The following UNC80 variants were observed in gnomAD, a reference collection of about 807,000 sequenced individuals.
UNC80 encodes unc-80 subunit of NALCN channel complex.
A neutral mutation model predicts 384.6 loss-of-function variants in UNC80; 164 were observed. That is an observed-to-expected ratio of 0.43 (90% CI 0.38 to 0.49). The LOEUF is 0.49. Among genes scored for constraint, UNC80 ranks in the 20% least tolerant of loss-of-function variants. UNC80 has a pLI of 0.00. For synonymous variants in UNC80, 1,486 were observed against 1,527.8 expected, an observed-to-expected ratio of 0.97 and a Z score of 0.64; for missense variants, 3,330 against 4,143.0, an observed-to-expected ratio of 0.80 and a Z score of 5.39.
rs34002751 is a variant in UNC80, at chr2:209,903,320, ATGTGTG to A, written c.4582-1418_4582-1413del. Among the ~76,000 whole-genome samples the A allele has an allele frequency of 1.4e-3, 151 of 105,784 alleles. 1 individual carries two copies. The highest frequency in any genetic ancestry group is 5.3e-3 in the African/African-American group (146 of 27,794). 69.4% of individuals were successfully genotyped at this position (105,784 alleles called of 152,430 possible). On this transcript the variant is annotated intron_variant, in intron 28 of 64. Transcript: ENST00000673920. ...ATATACAATATATATATTATATTATATGTGTGTGTGTGTGTGTGTGTGTGTGTGTGT... is the reference window on the plus strand; with the variant it reads ...ATATACAATATATATATTATATTATATGTGTGTGTGTGTGTGTGTGTGTGT...
chr2:209,871,364 C>T (rs2084280086), intron 22 of UNC80, among the ~76,000 whole-genome samples: 1 of 152,056 alleles, frequency 6.6e-6, no homozygotes, highest in South Asian at 2.1e-4. Flanking sequence ...AAAAATTATA[C>T]CTCATTTTAA....
intron 21 of UNC80, among the ~76,000 whole-genome samples, chr2:209,844,472 T>TTCCTTCC (rs2082009020): frequency 6.5e-5 from 5 of 77,128 alleles, no homozygotes; most frequent in Admixed American, 4.6e-4. Context: ...TCTTTCTTTC[T>TTCCTTCC]TTCTTTCCTT....
intron 61 of UNC80, among the ~76,000 whole-genome samples, chr2:209,988,350 G>A (rs972794649): frequency 1.3e-5 from 2 of 152,132 alleles, no homozygotes; most frequent in Non-Finnish European, 2.9e-5. Context: ...CCATGTGCTG[G>A]TCTCACCTAG....
intron 29 of UNC80, among the ~76,000 whole-genome samples, chr2:209,909,469 T>C (rs2088656678): frequency 6.6e-6 from 1 of 152,210 alleles, no homozygotes; most frequent in Admixed American, 6.5e-5. Flanking sequence ...CATCTCCATC[T>C]GCACAGACAT....
chr2:209,949,664 C>T (rs946030634), intron 47 of UNC80, among the ~76,000 whole-genome samples: 1 of 151,896 alleles, frequency 6.6e-6, no homozygotes, highest in African/African-American at 2.4e-5. Flanking sequence ...TTTTAGTAGA[C>T]ATGGGGTTTC....
chr2:209,995,441 G>A lies in UNC80; in HGVS notation c.9821G>A (p.Gly3274Asp). 6.4e-7 allele frequency: 1 copy of A among 1,551,836 alleles called. No individual in the cohort carries two copies. Among genetic ancestry groups the A allele is most frequent in the Non-Finnish European group, 8.7e-7 (1 of 1,147,028 alleles). ...CTCTCTGACCCTGATGACTTCACAG[G>A]CCTCGAGACATCCAGCCTCCTACAG... ...AQLSDPDDFTGLETSSLLQHG... is the reference protein window; with the variant it reads ...AQLSDPDDFTDLETSSLLQHG... Residue 3274 changes from glycine (G) to aspartate (D), a missense_variant, in exon 65 of 65, where the codon GGC becomes GAC. Gly to Asp is a moderately conservative substitution (Grantham distance 94, BLOSUM62 -1). Around this residue, in one of 8 missense-constraint regions of UNC80, gnomAD observed 236 missense variants for 254.9 expected, o/e 0.93. Coordinates refer to ENST00000673920, the MANE Select transcript of UNC80 (RefSeq NM_001371986.1).
In UNC80 at chr2:209,994,157, G is replaced by A. The variant is rs779647138; in HGVS notation, c.9601G>A (p.Gly3201Ser). Reference sequence around the variant, plus strand: ...GCTTCCTGCAACAGGCCAACTACAGGGCTGTAGCCCAGCCCCTTCTAGGAA... The same window carrying A: ...GCTTCCTGCAACAGGCCAACTACAGAGCTGTAGCCCAGCCCCTTCTAGGAA... ...DALPATGQLQ[G>S]CSPAPSRKPE... Residue 3201 changes from glycine to serine, a missense_variant, in exon 64 of 65, where the codon GGC becomes AGC. Coordinates refer to ENST00000673920, the MANE Select transcript of UNC80 (RefSeq NM_001371986.1). 5.2e-5 allele frequency: 81 copies of A among 1,551,342 alleles called. 1 individual carries two copies. In the South Asian group the frequency reaches 9.6e-4, roughly 18 times the overall value.
rs1381241253 is a variant in UNC80 at position 209,815,227 on chromosome 2, A to C, written c.1201-30A>C. On this transcript the variant is annotated intron_variant, in intron 8 of 64. Coordinates refer to ENST00000673920, the MANE Select transcript of UNC80 (RefSeq NM_001371986.1). ...AACAGTATTTGGATGTAAAGTCCTA[A>C]GTCCTTGATCACTGTCTACCTTTAT... 3 of 1,547,652 alleles carry C rather than the reference A, an allele frequency of 1.9e-6. No homozygotes were observed. In the Admixed American group the frequency reaches 6.0e-5, roughly 31 times the overall value.
Position 209,860,941 on chromosome 2 carries a change from T to A in UNC80, c.3627+11318T>A, listed in dbSNP as rs527767050. 1.4e-4 allele frequency among the ~76,000 whole-genome samples: 22 copies of A among 152,178 alleles called. No individual in the cohort carries two copies. The South Asian group carries it at 4.6e-3, about 32-fold the overall frequency. On this transcript the variant is annotated intron_variant, in intron 22 of 64. Coordinates refer to ENST00000673920, the MANE Select transcript of UNC80 (RefSeq NM_001371986.1). The stretch of plus-strand genomic sequence containing the variant: ...TGAAATAACTTATCAGTTTAAGGAG[T>A]TTTGGTGCTGAGTTGATGGTGTTTT...
At chr2:209,815,443 G>A in intron 9 of UNC80, 52 bp downstream of exon 9, 1 of 1,526,580 alleles carries the variant, frequency 6.6e-7, no homozygotes, top group African/African-American at 1.4e-5. Context: ...AAAAATGTCA[G>A]TGGGACATGA....
At chr2:209,788,578 A>C (rs1464575623) in intron 5 of UNC80, among the ~76,000 whole-genome samples, 2 of 147,688 alleles carry the variant, frequency 1.4e-5, no homozygotes, top group African/African-American at 4.9e-5. Flanking sequence ...AAAAGTATAA[A>C]ATATAAAAAA....
chr2:209,850,917 C>G (rs2082485099), intron 22 of UNC80, among the ~76,000 whole-genome samples: 1 of 152,034 alleles, frequency 6.6e-6, no homozygotes, highest in Admixed American at 6.6e-5. Context: ...GGAAACTTAG[C>G]TGTCACTCTT....
At chr2:209,844,488 C>T (rs12994389) in intron 21 of UNC80, among the ~76,000 whole-genome samples, 15,707 of 65,160 alleles carry the variant, frequency 0.24, 1,528 homozygotes, top group African/African-American at 0.33. Flanking sequence ...TCCTTCCTTC[C>T]TTCCTTCCTT....
chr2:209,938,507 T>C (rs180964515), intron 42 of UNC80, among the ~76,000 whole-genome samples: 12 of 152,278 alleles, frequency 7.9e-5, no homozygotes, highest in African/African-American at 2.4e-4. Context: ...ACATTCTATT[T>C]AAAAGAAAGA....
intron 12 of UNC80, among the ~76,000 whole-genome samples, 189 bp downstream of exon 12, chr2:209,819,450 A>G (rs2079985197): frequency 1.3e-5 from 2 of 152,248 alleles, no homozygotes; most frequent in Middle Eastern, 3.4e-3. Flanking sequence ...TTTTTCAAGC[A>G]TTGCATTAGA....
intron 22 of UNC80, among the ~76,000 whole-genome samples, chr2:209,864,668 T>A (rs2083582888): frequency 6.6e-6 from 1 of 152,208 alleles, no homozygotes; most frequent in Non-Finnish European, 1.5e-5. Context: ...TGTGTTGGGC[T>A]GTGGGGGACT....
intron 22 of UNC80, among the ~76,000 whole-genome samples, chr2:209,867,816 G>T (rs977561960): frequency 1.3e-5 from 2 of 151,918 alleles, no homozygotes; most frequent in Non-Finnish European, 2.9e-5. Flanking sequence ...AGTTGTCTTC[G>T]ATCTCACTTT....
rs374762628 is a variant in UNC80 at position 209,826,025 on chromosome 2, G to A, written c.2450G>A (p.Arg817His). The A allele has an allele frequency of 3.2e-6, 5 of 1,549,534 alleles. No homozygotes were observed. Among genetic ancestry groups the A allele is most frequent in the Admixed American group, 2.0e-5 (1 of 50,676 alleles). ...GGACACCGAGGGCTCTCTGGAGATCGTCTGAGACACCAGGTATTCCGAGAG... is the reference window on the plus strand; with the variant it reads ...GGACACCGAGGGCTCTCTGGAGATCATCTGAGACACCAGGTATTCCGAGAG... ...GEGHRGLSGD[R>H]LRHQVFRENA... The change falls in exon 14 of 65, where the codon CGT (arginine) becomes CAT (histidine). Residue 817 changes from arginine (R) to histidine (H), a missense_variant. Transcript: ENST00000673920.
intron 24 of UNC80, 73 bp from the exon 25 acceptor site, chr2:209,880,888 T>C (rs1221849574): frequency 1.4e-6 from 2 of 1,408,314 alleles, no homozygotes; most frequent in South Asian, 1.3e-5. Flanking sequence ...TGTGTAGCTA[T>C]GTCCATCAAA....
Sources: allele counts gnomAD v4.1 joint callset (sites outside exome capture counted in the v4.1 genomes callset), GRCh38; gene constraint gnomAD v4.1.1; regional missense constraint gnomAD v4.1.1; transcripts MANE v1.5; gene names NCBI Gene and HGNC (gene_info 2026-07-23, HGNC 2026-07-21).